The following UBA52 variants were observed in gnomAD, a reference collection of about 807,000 sequenced individuals.
UBA52 encodes ubiquitin-ribosomal protein eL40 fusion protein.
Under a neutral mutation model 15.3 loss-of-function variants are expected in UBA52, and 1 was observed. That is an observed-to-expected ratio of 0.07 (90% CI 0.02 to 0.31). The LOEUF is 0.31. UBA52 is among the 10% of genes least tolerant of loss of function. The pLI, the probability that UBA52 is intolerant of heterozygous loss-of-function variation, is 1.00. For missense variants in UBA52, 87 were observed against 168.0 expected (o/e 0.52, Z 2.66); for synonymous variants, 50 against 58.3 (o/e 0.86, Z 0.65).
chr19:18,573,411 G>C lies in UBA52; in HGVS notation c.103+8G>C. 1.9e-6 allele frequency: 3 copies of C among 1,611,848 alleles called. No homozygotes were observed. Among genetic ancestry groups the C allele is most frequent in the East Asian group, 2.2e-5 (1 of 44,874 alleles). On this transcript the variant is annotated splice_region_variant and intron_variant, in intron 2 of 4. Coordinates refer to ENST00000442744, the MANE Select transcript of UBA52 (RefSeq NM_001033930.3). ...AAATTCAAGACAAGGAGGGTGAGTA[G>C]GGCTGGGTGTGGGGGCTCTGGCTGT...
intron 1 of UBA52, 72 bp from the exon 2 acceptor site, chr19:18,573,221 G>A: frequency 1.4e-6 from 2 of 1,427,316 alleles, no homozygotes; most frequent in Middle Eastern, 2.0e-4. Context: ...CAACTGTGGT[G>A]TAGGCACCTG....
chr19:18,566,654 A>G, the UBA52 span, among the ~76,000 whole-genome samples: 2 of 150,958 alleles, frequency 1.3e-5, no homozygotes, highest in Non-Finnish European at 3.0e-5. Context: ...TCAGCTGAGC[A>G]TGGTGGCACG....
At chr19:18,563,876 C>G in the UBA52 span, among the ~76,000 whole-genome samples, 1 of 151,620 alleles carries the variant, frequency 6.6e-6, no homozygotes, top group Non-Finnish European at 1.5e-5. Flanking sequence ...CCTGCCTCAA[C>G]CTCCTAAAGT....
intron 3 of UBA52, 71 bp downstream of exon 3, chr19:18,573,819 CAG>C (rs1366797508): frequency 4.8e-6 from 7 of 1,453,088 alleles, no homozygotes; most frequent in East Asian, 2.3e-5. Flanking sequence ...TTGATGGCCT[CAG>C]GGGTTGGGGA....
At position 18,575,385 on chromosome 19, in the gene UBA52, A is replaced by G. The variant is rs775544872; in HGVS notation, c.*235A>G. 4.1e-5 allele frequency: 22 copies of G among 537,046 alleles called. No individual in the cohort carries two copies. The highest frequency in any genetic ancestry group is 3.2e-4 in the Admixed American group (10 of 30,888). The allele number at this position is 537,046 out of a possible 1,614,324, so 33.3% of individuals were successfully genotyped here. On this transcript the variant is annotated 3_prime_UTR_variant, in exon 5 of 5. Transcript: ENST00000442744. ...TCACATCGGCATTGGTCCCTGCCCT[A>G]TGCCCCTGACTCTGGATTTGTCATC...
chr19:18,574,837 C>T (rs754353349), intron 3 of UBA52, 33 bp from the exon 4 acceptor site: 54 of 1,609,268 alleles, frequency 3.4e-5, no homozygotes, highest in Admixed American at 2.7e-4. Context: ...CAGGGCTGGG[C>T]TCAGTCGCCG....
upstream of UBA52, among the ~76,000 whole-genome samples, chr19:18,570,876 G>A (rs1266464249): frequency 6.6e-6 from 1 of 151,278 alleles, no homozygotes; most frequent in Non-Finnish European, 1.5e-5. Context: ...TAGTAGAGAT[G>A]CGGTTTCTCC....
At chr19:18,573,852 T>C in intron 3 of UBA52, 104 bp downstream of exon 3, 1 of 1,119,962 alleles carries the variant, frequency 8.9e-7, no homozygotes, top group Non-Finnish European at 1.3e-6. Context: ...TGACTTGTGT[T>C]TTGTTTAAAA....
At chr19:18,565,036 C>T in the UBA52 span, 3 of 1,533,826 alleles carry the variant, frequency 2.0e-6, no homozygotes, top group Non-Finnish European at 2.6e-6. Context: ...GTGCTCAGTG[C>T]CACCCCAGCC....
At chr19:18,572,694 C>T (rs148094945) in intron 1 of UBA52, 3 of 643,774 alleles carry the variant, frequency 4.7e-6, no homozygotes, top group East Asian at 1.4e-4. Flanking sequence ...TTGGTAGATA[C>T]TAAGTGATGT....
chr19:18,565,475 A>G, the UBA52 span, among the ~76,000 whole-genome samples: 1 of 152,034 alleles, frequency 6.6e-6, no homozygotes, highest in Non-Finnish European at 1.5e-5. Flanking sequence ...CTCGTGATCC[A>G]GCCGCCTTGG....
upstream of UBA52, among the ~76,000 whole-genome samples, chr19:18,568,042 T>C (rs952381531): frequency 6.6e-6 from 1 of 151,590 alleles, no homozygotes; most frequent in Non-Finnish European, 1.5e-5. Context: ...CTGAGGCGGG[T>C]GGATCACCTG....
chr19:18,566,267 G>T, the UBA52 span, among the ~76,000 whole-genome samples: 1 of 151,858 alleles, frequency 6.6e-6, no homozygotes, highest in South Asian at 2.1e-4. Flanking sequence ...CGGCTAACAT[G>T]GTGAAACCCC....
Position 18,576,632 on chromosome 19 carries a change from GCCT to G in UBA52, c.*1486_*1488del, listed in dbSNP as rs1388219076. 2 of 151,332 alleles carry G rather than the reference GCCT, an allele frequency of 1.3e-5. No individual in the cohort carries two copies. Among genetic ancestry groups the G allele is most frequent in the Non-Finnish European group, 2.9e-5 (2 of 67,922 alleles). The allele number at this position is 151,332 out of a possible 1,614,324, so 9.4% of individuals were successfully genotyped here. ...TGGCTTCAAACTCCTGAACTTAAAA[GCCT>G]CCTGTTTAGTTTTGGTTTTTTATCA... On this transcript the variant is annotated 3_prime_UTR_variant, in exon 5 of 5. Coordinates refer to ENST00000442744, the MANE Select transcript of UBA52 (RefSeq NM_001033930.3).
upstream of UBA52, among the ~76,000 whole-genome samples, chr19:18,570,084 T>A (rs981285474): frequency 6.6e-6 from 1 of 152,048 alleles, no homozygotes; most frequent in Non-Finnish European, 1.5e-5. Flanking sequence ...GACGTGAGAG[T>A]GTCTGCTTTT....
Position 18,575,085 on chromosome 19 carries a change from G to A in UBA52, c.322G>A (p.Val108Ile). ...KCYARLHPRA[V>I]NCRKKKCGHT... Reference sequence around the variant, plus strand: ...CTATGCTCGCCTTCACCCTCGTGCTGTCAACTGCCGCAAGAAGAAGTGTGG... The same window carrying A: ...CTATGCTCGCCTTCACCCTCGTGCTATCAACTGCCGCAAGAAGAAGTGTGG... The change falls in exon 5 of 5, where the codon GTC becomes ATC. Residue 108 changes from valine to isoleucine, a missense_variant. Transcript: ENST00000442744. 2 of 1,614,224 alleles carry A rather than the reference G, an allele frequency of 1.2e-6. No homozygotes were observed. The highest frequency in any genetic ancestry group is 8.5e-7 in the Non-Finnish European group (1 of 1,180,050).
chr19:18,567,542 C>T (rs952075114), upstream of UBA52, among the ~76,000 whole-genome samples: 2 of 152,238 alleles, frequency 1.3e-5, no homozygotes, highest in African/African-American at 4.8e-5. Context: ...AGGATCTGTC[C>T]CATGTCCAGC....
chr19:18,573,830 G>C, intron 3 of UBA52, 82 bp downstream of exon 3: 1 of 1,341,916 alleles, frequency 7.5e-7, no homozygotes, highest in South Asian at 1.2e-5. Flanking sequence ...AGGGGTTGGG[G>C]AGCAGTTCAA....
At chr19:18,566,051 G>T in the UBA52 span, among the ~76,000 whole-genome samples, 361 of 152,076 alleles carry the variant, frequency 2.4e-3, 4 homozygotes, top group African/African-American at 8.1e-3. Context: ...GGCTCATCTC[G>T]AAGTCCTGGC....
Sources: gnomAD v4.1 joint callset for allele counts (sites outside exome capture counted in the v4.1 genomes callset) on GRCh38, gnomAD v4.1.1 for gene constraint, MANE v1.5 for transcripts, NCBI Gene and HGNC (gene_info 2026-07-23, HGNC 2026-07-21) for gene names.